The following C10orf90 variants were observed in gnomAD, a reference collection of about 807,000 sequenced individuals.
C10orf90 encodes chromosome 10 open reading frame 90, also known as (E2-independent) E3 ubiquitin-conjugating enzyme FATS.
In C10orf90, 56 loss-of-function variants were observed where a neutral mutation model predicts 62.5. That is an observed-to-expected ratio of 0.90 (90% CI 0.72 to 1.12). The LOEUF is 1.12. Among genes scored for constraint, C10orf90 ranks in the 50% most tolerant of loss-of-function variants. C10orf90 has a pLI of 0.00. For synonymous variants in C10orf90, 386 were observed against 340.4 expected, an observed-to-expected ratio of 1.13 and a Z score of -1.47; for missense variants, 970 against 880.4, an observed-to-expected ratio of 1.10 and a Z score of -1.29.
chr10:126,493,828 A>G (rs937457211), intron 4 of C10orf90, among the ~76,000 whole-genome samples: 1 of 152,254 alleles, frequency 6.6e-6, no homozygotes, highest in African/African-American at 2.4e-5. Context: ...TTGAGGCCAC[A>G]AAGTTCATGA....
rs191453923 is a variant in C10orf90, at chr10:126,627,775, G to A, written c.313+18790C>T. On this transcript the variant is annotated intron_variant, in intron 2 of 9. Coordinates refer to ENST00000488181, the MANE Select transcript of C10orf90 (RefSeq NM_001350921.2). ...AATTCTCCTCCCTTGTATTTTTTAG[G>A]CAGAGTCTTGCTATGCTATCCAGGT... Among the ~76,000 whole-genome samples, 202 of 152,204 alleles carry A rather than the reference G, an allele frequency of 1.3e-3. 1 individual carries two copies. Among genetic ancestry groups the A allele is most frequent in the African/African-American group, 4.4e-3 (183 of 41,532 alleles).
intron 7 of C10orf90, among the ~76,000 whole-genome samples, chr10:126,449,643 C>T (rs934042840): frequency 6.6e-6 from 1 of 152,114 alleles, no homozygotes; most frequent in African/African-American, 2.4e-5. Context: ...AAAAACTCCA[C>T]CACAAAACAG....
chr10:126,454,146 T>A (rs4562714), intron 7 of C10orf90, among the ~76,000 whole-genome samples: 1 of 151,882 alleles, frequency 6.6e-6, no homozygotes, highest in Non-Finnish European at 1.5e-5. Context: ...AGATGTGGCA[T>A]CCCCTATGAC....
At chr10:126,513,634 A>G (rs1564848128) in intron 3 of C10orf90, among the ~76,000 whole-genome samples, 2 of 152,232 alleles carry the variant, frequency 1.3e-5, no homozygotes, top group South Asian at 2.1e-4. Flanking sequence ...AATTGGGAGC[A>G]ATTGCCATAT....
intron 2 of C10orf90, among the ~76,000 whole-genome samples, chr10:126,516,062 G>A (rs191437920): frequency 2.0e-5 from 3 of 152,184 alleles, no homozygotes; most frequent in Non-Finnish European, 4.4e-5. Flanking sequence ...ATGTGGCATC[G>A]CATGTGGTTA....
Position 126,474,942 on chromosome 10 carries a change from C to T in C10orf90, c.1535-9956G>A, listed in dbSNP as rs367565975. Among the ~76,000 whole-genome samples, 72 of 152,246 alleles carry T rather than the reference C, an allele frequency of 4.7e-4. 1 individual carries two copies. Among genetic ancestry groups the T allele is most frequent in the African/African-American group, 1.7e-3 (69 of 41,552 alleles). On this transcript the variant is annotated intron_variant, in intron 4 of 9. Coordinates refer to ENST00000488181, the MANE Select transcript of C10orf90 (RefSeq NM_001350921.2). Reference sequence around the variant, plus strand: ...AGGGCAAGCCGCAGAGATCTAAGGACGAGGGGTGAGGCCAGTGGGGAATAA... The same window carrying T: ...AGGGCAAGCCGCAGAGATCTAAGGATGAGGGGTGAGGCCAGTGGGGAATAA...
chr10:126,455,970 G>T (rs553410633), intron 7 of C10orf90, among the ~76,000 whole-genome samples: 54 of 152,296 alleles, frequency 3.5e-4, no homozygotes, highest in Middle Eastern at 3.4e-3. Flanking sequence ...AACCTTTCAG[G>T]TTCTGCTCCT....
chr10:126,431,997 T>C (rs1244983648), intron 7 of C10orf90, among the ~76,000 whole-genome samples: 1 of 152,212 alleles, frequency 6.6e-6, no homozygotes, highest in Non-Finnish European at 1.5e-5. Flanking sequence ...AGCAGGACTG[T>C]GTCCAAGGGG....
At chr10:126,483,415 A>C (rs1464361767) in intron 4 of C10orf90, among the ~76,000 whole-genome samples, 10 of 152,216 alleles carry the variant, frequency 6.6e-5, no homozygotes, top group African/African-American at 2.4e-4. Context: ...TCATGTGAAA[A>C]ATCCTCTCTC....
chr10:126,501,961 CAT>C (rs1298749953), intron 4 of C10orf90, among the ~76,000 whole-genome samples: 1 of 151,018 alleles, frequency 6.6e-6, no homozygotes. Flanking sequence ...ACACACACCA[CAT>C]ATACACCACA....
intron 2 of C10orf90, among the ~76,000 whole-genome samples, chr10:126,593,072 T>A (rs978596094): frequency 3.3e-5 from 5 of 152,322 alleles, no homozygotes; most frequent in Non-Finnish European, 4.4e-5. Flanking sequence ...AAAGGAACAC[T>A]TTTATGCTGT....
chr10:126,616,947 G>A (rs1288302824), intron 2 of C10orf90, among the ~76,000 whole-genome samples: 2 of 152,094 alleles, frequency 1.3e-5, no homozygotes, highest in Non-Finnish European at 2.9e-5. Context: ...CTTCTAACCA[G>A]GGCTATGTTA....
intron 4 of C10orf90, among the ~76,000 whole-genome samples, chr10:126,474,671 C>G (rs1305307934): frequency 6.6e-6 from 1 of 152,198 alleles, no homozygotes; most frequent in Non-Finnish European, 1.5e-5. Context: ...AATGTTGACA[C>G]CAAACATCGG....
chr10:126,522,452 C>T (rs1863788595), intron 2 of C10orf90, among the ~76,000 whole-genome samples: 2 of 152,186 alleles, frequency 1.3e-5, no homozygotes, highest in Non-Finnish European at 2.9e-5. Flanking sequence ...AAGCCTCAGT[C>T]ATTACATAAA....
intron 2 of C10orf90, among the ~76,000 whole-genome samples, chr10:126,608,137 C>A (rs1359181059): frequency 6.6e-6 from 1 of 152,150 alleles, no homozygotes; most frequent in African/African-American, 2.4e-5. Context: ...GACACAGGGT[C>A]TTGCTCTGTT....
chr10:126,503,322 GC>G (rs1862508473), intron 4 of C10orf90, among the ~76,000 whole-genome samples: 1 of 152,180 alleles, frequency 6.6e-6, no homozygotes, highest in Admixed American at 6.5e-5. Flanking sequence ...TGGTCAAGAT[GC>G]CCCAGAAGAC....
intron 2 of C10orf90, among the ~76,000 whole-genome samples, chr10:126,619,074 A>T (rs1465658855): frequency 2.0e-5 from 3 of 152,180 alleles, no homozygotes; most frequent in African/African-American, 2.4e-5. Flanking sequence ...TACAATGGCC[A>T]TTATCCATTA....
intron 2 of C10orf90, among the ~76,000 whole-genome samples, chr10:126,645,980 G>A (rs946121332): frequency 2.0e-5 from 3 of 152,090 alleles, no homozygotes; most frequent in South Asian, 2.1e-4. Flanking sequence ...GGAAATAGTC[G>A]ATTAACCCAG....
intron 4 of C10orf90, among the ~76,000 whole-genome samples, chr10:126,472,937 C>T (rs1860660008): frequency 6.6e-6 from 1 of 152,142 alleles, no homozygotes; most frequent in Non-Finnish European, 1.5e-5. Context: ...TTTAGCATTC[C>T]AGGGAAGGAG....
Sources: allele counts gnomAD v4.1 joint callset (sites outside exome capture counted in the v4.1 genomes callset), GRCh38; gene constraint gnomAD v4.1.1; transcripts MANE v1.5; gene names NCBI Gene and HGNC (gene_info 2026-07-23, HGNC 2026-07-21).